HMCN2: variants seen among roughly 807,000 people sequenced by gnomAD.
HMCN2 encodes hemicentin 2.
A neutral mutation model predicts 377.5 loss-of-function variants in HMCN2; 325 were observed. The observed-to-expected ratio is 0.86, with a 90% CI of 0.79 to 0.94. The LOEUF (loss-of-function observed/expected upper bound fraction) is 0.94, where lower values mean the gene tolerates loss of function less well. HMCN2 is among the 40% of genes least tolerant of loss of function. The probability of loss-of-function intolerance (pLI) is 0.00; values close to 1 mark genes in which losing one functional copy is unlikely to be tolerated. For missense variants in HMCN2, 4,543 were observed against 4,725.3 expected, an observed-to-expected ratio of 0.96 and a Z score of 1.13; for synonymous variants, 2,007 against 2,046.8, an observed-to-expected ratio of 0.98 and a Z score of 0.53.
rs867949345 is a variant in HMCN2, at chr9:130,403,039, A to G, written c.11878+143A>G. The G allele has an allele frequency of 2.9e-6, 3 of 1,025,948 alleles. No homozygotes were observed. The Middle Eastern group carries it at 1.1e-3, about 385-fold the overall frequency. The allele number at this position is 1,025,948 out of a possible 1,614,324, so 63.6% of individuals were successfully genotyped here. A position where few individuals can be genotyped will look rare whatever the true frequency, so the allele number is the denominator to read the frequency against. On this transcript the variant is annotated intron_variant, in intron 78 of 97. Transcript: ENST00000683500. ...TCTCCCATGGGATTCTTTGGCAGGA[A>G]AAGAATCAGCCATGGCGTCCTTGTT...
intron 22 of HMCN2, among the ~76,000 whole-genome samples, chr9:130,337,011 G>A (rs979279973): frequency 1.3e-5 from 2 of 152,284 alleles, no homozygotes; most frequent in East Asian, 1.9e-4. Context: ...CAGGGCCAGC[G>A]ACTGGGCCTT....
In HMCN2 at chr9:130,393,375, C is replaced by G. The variant is rs941925226; in HGVS notation, c.10234+66C>G. The G allele has an allele frequency of 1.0e-6, 1 of 956,896 alleles. No homozygotes were observed. Among genetic ancestry groups the G allele is most frequent in the Non-Finnish European group, 1.2e-6 (1 of 800,060 alleles). 59.3% of individuals were successfully genotyped at this position (956,896 alleles called of 1,614,324 possible). A position where few individuals can be genotyped will look rare whatever the true frequency, so the allele number is the denominator to read the frequency against. On this transcript the variant is annotated intron_variant, in intron 67 of 97. Transcript: ENST00000683500. This position sits in a 1 kb window ranked among gnomAD's most constrained non-coding sequence, Gnocchi z 5.2. ...GTGGGTGAGAATCAAGGCCCTTGGC[C>G]CCCCTGCCCTTCTGGGTGGAACCAA...
intron 80 of HMCN2, 84 bp from the exon 81 acceptor site, chr9:130,404,785 G>T: frequency 1.0e-6 from 1 of 992,272 alleles, no homozygotes; most frequent in South Asian, 1.8e-5. Flanking sequence ...GGGCTGAAGG[G>T]CTGGGCCAAA....
In HMCN2 at chr9:130,369,156, G is replaced by A. The variant is rs1840875901; in HGVS notation, c.6788-414G>A. 6.6e-6 allele frequency among the ~76,000 whole-genome samples: 1 copy of A among 152,174 alleles called. No individual in the cohort carries two copies. The highest frequency in any genetic ancestry group is 1.5e-5 in the Non-Finnish European group (1 of 68,030). On this transcript the variant is annotated intron_variant, in intron 44 of 97. Transcript: ENST00000683500. The surrounding 1 kb of genome is among the most constrained non-coding windows in gnomAD (Gnocchi z 4.5). ...AAGCCCTATCTACTGGTCCTGCAGT[G>A]ATGAAATGAAATCCCCCAGCCTGGT... is the stretch of plus-strand genomic sequence containing the variant.
At chr9:130,376,871 A>C (rs181429477) in intron 52 of HMCN2, among the ~76,000 whole-genome samples, 1 of 152,186 alleles carries the variant, frequency 6.6e-6, no homozygotes, top group Admixed American at 6.5e-5. Flanking sequence ...ATCTTGGCTC[A>C]CTGCAACCTC....
At chr9:130,432,997 G>A in intron 97 of HMCN2, 1 of 384,488 alleles carries the variant, frequency 2.6e-6, no homozygotes, top group Non-Finnish European at 4.6e-6. Context: ...GCTAAGCGCA[G>A]TCTCCACCTC....
At position 130,360,398 on chromosome 9, in the gene HMCN2, T is replaced by A. The variant is rs1386483775; in HGVS notation, c.5774-30T>A. ...ATTCCCCCTTGCTTCTCTCTTCCTT[T>A]CCCCCTTGCATCTCTCTTCCTTTCC... is the stretch of plus-strand genomic sequence containing the variant. On this transcript the variant is annotated intron_variant, in intron 37 of 97. Transcript: ENST00000683500. The surrounding 1 kb of genome is among the most constrained non-coding windows in gnomAD (Gnocchi z 4.7). The A allele has an allele frequency of 8.1e-7, 1 of 1,234,690 alleles. No homozygotes were observed. The highest frequency in any genetic ancestry group is 1.1e-6 in the Non-Finnish European group (1 of 949,128). 76.5% of individuals were successfully genotyped at this position (1,234,690 alleles called of 1,614,324 possible).
Position 130,422,839 on chromosome 9 carries a change from C to G in HMCN2, c.13381+113C>G, listed in dbSNP as rs1056384308. 4.4e-6 allele frequency: 4 copies of G among 903,364 alleles called. No individual in the cohort carries two copies. The African/African-American group carries it at 6.9e-5, about 16-fold the overall frequency. 56.0% of individuals were successfully genotyped at this position (903,364 alleles called of 1,614,324 possible). ...CAGAGCCTGTGCCCCGAGACTTGCT[C>G]AAGGCCTGATGACCAGAGCACGTCT... On this transcript the variant is annotated intron_variant, in intron 87 of 97. Coordinates refer to ENST00000683500, the MANE Select transcript of HMCN2 (RefSeq NM_001291815.2). This position sits in a 1 kb window ranked among gnomAD's most constrained non-coding sequence, Gnocchi z 4.2.
chr9:130,403,871 G>C lies in HMCN2; in HGVS notation c.12144G>C (p.Val4048=). Residue 4048 remains valine, a synonymous_variant, in exon 80 of 98, where the codon GTG becomes GTC. Coordinates refer to ENST00000683500, the MANE Select transcript of HMCN2 (RefSeq NM_001291815.2). ...GSAMGKTRLV[V]QVPPVIENGL... ...CCATGGGGAAGACGCGGCTGGTGGT[G>C]CAAGGTGGGAGTGAGGACGGGGCCG... 1 of 1,289,382 alleles carries C rather than the reference G, an allele frequency of 7.8e-7. No individual in the cohort carries two copies. Among genetic ancestry groups the C allele is most frequent in the Non-Finnish European group, 1.0e-6 (1 of 988,550 alleles). 79.9% of individuals were successfully genotyped at this position (1,289,382 alleles called of 1,614,324 possible). A position where few individuals can be genotyped will look rare whatever the true frequency, so the allele number is the denominator to read the frequency against.
In HMCN2 at chr9:130,281,787, G is replaced by A. The variant is rs545908545; in HGVS notation, c.260-2816G>A. Among the ~76,000 whole-genome samples, 7 of 151,920 alleles carry A rather than the reference G, an allele frequency of 4.6e-5. No homozygotes were observed. The South Asian group carries it at 1.5e-3, about 32-fold the overall frequency. On this transcript the variant is annotated intron_variant, in intron 1 of 97. Coordinates refer to ENST00000683500, the MANE Select transcript of HMCN2 (RefSeq NM_001291815.2). ...CATGCACCTGTAATCCCAGCTACTA[G>A]GCTGGGGCAGGAGAATCACCTGAAC...
chr9:130,349,948 A>AGTGCAAT (rs1554950643), intron 29 of HMCN2, among the ~76,000 whole-genome samples: 1 of 135,312 alleles, frequency 7.4e-6, no homozygotes, highest in African/African-American at 2.9e-5. Flanking sequence ...CTCAGGTTAG[A>AGTGCAAT]GTGCAGTGGA....
At chr9:130,318,349 T>A (rs1452647288) in intron 15 of HMCN2, among the ~76,000 whole-genome samples, 135,034 of 150,994 alleles carry the variant, frequency 0.89, 60,634 homozygotes, top group East Asian at 0.97. Flanking sequence ...AGGGTTAAAA[T>A]AAAAAGGCCA....
intron 14 of HMCN2, 91 bp downstream of exon 14, chr9:130,307,657 G>GGA (rs1554937351): frequency 2.2e-6 from 1 of 461,826 alleles, no homozygotes; most frequent in African/African-American, 2.0e-5. Flanking sequence ...TGGAGTCTGG[G>GGA]GAGAGCTGGA....
At chr9:130,432,104 T>A (rs1204828016) in intron 96 of HMCN2, among the ~76,000 whole-genome samples, 1 of 152,212 alleles carries the variant, frequency 6.6e-6, no homozygotes, top group East Asian at 1.9e-4. Flanking sequence ...GCTCTGCCCG[T>A]GGGCAGTGGG....
In HMCN2 at chr9:130,425,711, A is replaced by T; in HGVS notation, c.13666A>T (p.Thr4556Ser). 6 of 1,549,830 alleles carry T rather than the reference A, an allele frequency of 3.9e-6. No individual in the cohort carries two copies. The highest frequency in any genetic ancestry group is 5.2e-6 in the Non-Finnish European group (6 of 1,146,810). The stretch of plus-strand genomic sequence containing the variant: ...GGACTTTGAGGAGCACTACGTGCAA[A>T]CAGGGCCTGGCCAGCTGTTCGTGGG... Reference protein sequence around the residue: ...VQDFEEHYVQTGPGQLFVGST... With the variant: ...VQDFEEHYVQSGPGQLFVGST... Residue 4556 changes from threonine (T) to serine (S), a missense_variant, in exon 90 of 98, where the codon ACA (threonine) becomes TCA (serine). By Grantham distance (58) the Thr-to-Ser change is moderately conservative (BLOSUM62 1). This residue lies in a region of HMCN2 where 1,155 missense variants were observed against 1,157.7 expected (regional missense o/e 1.00). Coordinates refer to ENST00000683500, the MANE Select transcript of HMCN2 (RefSeq NM_001291815.2).
chr9:130,394,187 G>A lies in HMCN2; in HGVS notation c.10501+179G>A, dbSNP rs1361185432. On this transcript the variant is annotated intron_variant, in intron 68 of 97. Transcript: ENST00000683500. The surrounding 1 kb of genome is among the most constrained non-coding windows in gnomAD (Gnocchi z 5.1). ...TGCCTCTCTCACCTTCCTTGCCTGCGGGGAGTGGGTGGCCGGGCTTTGATT... is the reference window on the plus strand; with the variant it reads ...TGCCTCTCTCACCTTCCTTGCCTGCAGGGAGTGGGTGGCCGGGCTTTGATT... Among the ~76,000 whole-genome samples the A allele has an allele frequency of 2.6e-5, 4 of 152,278 alleles. No individual in the cohort carries two copies. Among genetic ancestry groups the A allele is most frequent in the East Asian group, 1.9e-4 (1 of 5,182 alleles).
chr9:130,358,156 G>C (rs1363037979), intron 35 of HMCN2, among the ~76,000 whole-genome samples, 168 bp downstream of exon 35: 2 of 152,208 alleles, frequency 1.3e-5, no homozygotes, highest in Non-Finnish European at 2.9e-5. Context: ...GGTCCTAGGA[G>C]CTTCAGTTGT....
At chr9:130,281,009 A>G (rs1835087398) in intron 1 of HMCN2, among the ~76,000 whole-genome samples, 1 of 151,908 alleles carries the variant, frequency 6.6e-6, no homozygotes, top group African/African-American at 2.4e-5. Context: ...AGGCTGAGGC[A>G]GGAGAATGGC....
At chr9:130,336,682 C>G (rs1838766067) in intron 22 of HMCN2, among the ~76,000 whole-genome samples, 1 of 152,098 alleles carries the variant, frequency 6.6e-6, no homozygotes. Context: ...ATGCTCGGGA[C>G]AAAAGGATGG....
Sources: gnomAD v4.1 joint callset for allele counts (sites outside exome capture counted in the v4.1 genomes callset) on GRCh38, gnomAD v4.1.1 for gene constraint, gnomAD v4.1.1 regional missense constraint, Gnocchi (gnomAD v3.1) non-coding constraint, MANE v1.5 for transcripts, NCBI Gene and HGNC (gene_info 2026-07-23, HGNC 2026-07-21) for gene names.